Variants in LOC400499 observed in about 807,000 individuals in gnomAD.
the LOC400499 span, chr16:11,460,104 G>C: frequency 4.6e-4 from 595 of 1,301,002 alleles, 4 homozygotes; most frequent in African/African-American, 8.1e-3. Context: ...TGCCCACCCA[G>C]TCCCTGGGCC....
At chr16:11,401,640 G>C in the LOC400499 span, among the ~76,000 whole-genome samples, 1 of 152,246 alleles carries the variant, frequency 6.6e-6, no homozygotes, top group Admixed American at 6.5e-5. Context: ...GATGGGACTG[G>C]AGGTCGCGCT....
chr16:11,441,925 T>C, the LOC400499 span, among the ~76,000 whole-genome samples: 1 of 152,224 alleles, frequency 6.6e-6, no homozygotes, highest in Non-Finnish European at 1.5e-5. Context: ...TTTAAACCAC[T>C]AAGATTTCAG....
At chr16:11,483,160 G>A in the LOC400499 span, among the ~76,000 whole-genome samples, 65 of 152,228 alleles carry the variant, frequency 4.3e-4, 1 homozygote, top group African/African-American at 1.1e-3. Context: ...TAACCATATC[G>A]AGTGTTGGTG....
the LOC400499 span, chr16:11,478,723 C>G: frequency 2.5e-6 from 1 of 398,800 alleles, no homozygotes; most frequent in African/African-American, 2.1e-5. Context: ...AGAACACAGT[C>G]AGGGTTAGCA....
the LOC400499 span, chr16:11,516,057 T>C: frequency 1.6e-4 from 63 of 399,464 alleles, no homozygotes; most frequent in South Asian, 6.5e-3. Flanking sequence ...CGGCCCAGGA[T>C]GTCCACCTGG....
chr16:11,394,003 C>T, the LOC400499 span, among the ~76,000 whole-genome samples: 1 of 152,158 alleles, frequency 6.6e-6, no homozygotes, highest in East Asian at 1.9e-4. Context: ...CAGCAGCAGC[C>T]GCCCACAGGG....
the LOC400499 span, among the ~76,000 whole-genome samples, chr16:11,492,258 C>A: frequency 5.2e-4 from 77 of 148,440 alleles, 3 homozygotes; most frequent in South Asian, 0.016. Context: ...AGCCAGCCAG[C>A]CAGCCAGCCA....
the LOC400499 span, among the ~76,000 whole-genome samples, chr16:11,380,046 C>T: frequency 6.6e-6 from 1 of 152,154 alleles, no homozygotes; most frequent in African/African-American, 2.4e-5. Context: ...TAACCTCAAG[C>T]CCCTGGACTC....
At chr16:11,484,804 C>CTGGTTCAA in the LOC400499 span, 1 of 331,388 alleles carries the variant, frequency 3.0e-6, no homozygotes, top group Admixed American at 6.2e-5. Context: ...ACCCAAGTCT[C>CTGGTTCAA]AGGTTCAAAA....
At chr16:11,420,608 CGGAAAAAAA>C in the LOC400499 span, among the ~76,000 whole-genome samples, 4 of 92,866 alleles carry the variant, frequency 4.3e-5, no homozygotes, top group African/African-American at 2.1e-4. Context: ...CCCCCCCCCC[CGGAAAAAAA>C]CCCCAAACTT....
chr16:11,505,061 G>A, the LOC400499 span, among the ~76,000 whole-genome samples: 1 of 151,922 alleles, frequency 6.6e-6, no homozygotes. Flanking sequence ...GTGGCCGCAT[G>A]CTACTCAGTA....
the LOC400499 span, among the ~76,000 whole-genome samples, chr16:11,492,646 G>A: frequency 2.9e-4 from 44 of 152,124 alleles, no homozygotes; most frequent in East Asian, 2.3e-3. Context: ...TTAGCCGGGC[G>A]TGGTGGCGGG....
the LOC400499 span, chr16:11,392,340 C>T: frequency 0.18 from 71,458 of 398,932 alleles, 7,180 homozygotes; most frequent in Non-Finnish European, 0.22. Flanking sequence ...AGCAGGCCCC[C>T]CTGGCAGCCG....
the LOC400499 span, among the ~76,000 whole-genome samples, chr16:11,520,124 G>C: frequency 6.6e-6 from 1 of 152,198 alleles, no homozygotes. Context: ...TGTGCACAGA[G>C]CTTCTGTTTA....
the LOC400499 span, among the ~76,000 whole-genome samples, chr16:11,445,683 C>A: frequency 6.6e-6 from 1 of 152,118 alleles, no homozygotes; most frequent in African/African-American, 2.4e-5. Flanking sequence ...GCTGAGGGGA[C>A]AGGACTGGGG....
At chr16:11,475,419 T>C in the LOC400499 span, among the ~76,000 whole-genome samples, 2 of 152,226 alleles carry the variant, frequency 1.3e-5, no homozygotes, top group African/African-American at 4.8e-5. Context: ...TCTGTGGATT[T>C]GTGTTCCTTT....
At chr16:11,504,952 C>T in the LOC400499 span, among the ~76,000 whole-genome samples, 2 of 151,992 alleles carry the variant, frequency 1.3e-5, no homozygotes, top group African/African-American at 4.8e-5. Context: ...AACAACTACG[C>T]CACTAGTTAC....
At chr16:11,395,183 G>C in the LOC400499 span, among the ~76,000 whole-genome samples, 13 of 152,182 alleles carry the variant, frequency 8.5e-5, no homozygotes, top group Admixed American at 2.0e-4. Context: ...TGAAGAGCAA[G>C]GGCCATGCCT....
At chr16:11,387,916 G>A in the LOC400499 span, among the ~76,000 whole-genome samples, 1 of 152,190 alleles carries the variant, frequency 6.6e-6, no homozygotes, top group African/African-American at 2.4e-5. Context: ...GAGCCACTGT[G>A]CCTGGCCAAC....
Sources: allele counts gnomAD v4.1 joint callset (sites outside exome capture counted in the v4.1 genomes callset), GRCh38; gene constraint gnomAD v4.1.1; transcripts MANE v1.5.